LRP8: variants seen among roughly 807,000 people sequenced by gnomAD.
The protein encoded by LRP8 is LDL receptor related protein 8.
In LRP8, 46 loss-of-function variants were observed where a neutral mutation model predicts 111.6. The ratio of observed to expected loss-of-function variants is 0.41; its 90% CI spans 0.33 to 0.53. The LOEUF (loss-of-function observed/expected upper bound fraction) is 0.53. LRP8 is among the 20% of genes least tolerant of loss of function. The pLI is 0.20. For synonymous variants in LRP8, 464 were observed against 511.2 expected (o/e 0.91, Z 1.24); for missense variants, 959 against 1,297.4 (o/e 0.74, Z 4.01).
rs1036705924 is a variant in LRP8 at position 53,266,945 on chromosome 1, G to C, written c.1253-298C>G. The C allele has an allele frequency of 3.2e-6, 1 of 316,762 alleles. No homozygotes were observed. Among genetic ancestry groups the C allele is most frequent in the Non-Finnish European group, 6.0e-6 (1 of 165,584 alleles). The allele number at this position is 316,762 out of a possible 1,614,324, so 19.6% of individuals were successfully genotyped here. ...CTGCACTGAAAGCCTTCCACAGTGTGACCCCAAGTTCCCTGTCCAGCCTCA... is the reference window on the plus strand; with the variant it reads ...CTGCACTGAAAGCCTTCCACAGTGTCACCCCAAGTTCCCTGTCCAGCCTCA... On this transcript the variant is annotated intron_variant, in intron 8 of 18. Coordinates refer to ENST00000306052, the MANE Select transcript of LRP8 (RefSeq NM_004631.5). The surrounding 1 kb of genome is among the most constrained non-coding windows in gnomAD (Gnocchi z 5.0).
chr1:53,265,322 T>A (rs191180526), intron 9 of LRP8, among the ~76,000 whole-genome samples: 1 of 152,304 alleles, frequency 6.6e-6, no homozygotes, highest in Admixed American at 6.5e-5. Flanking sequence ...ACTGCAAAGC[T>A]AACTAGCTCC....
intron 9 of LRP8, among the ~76,000 whole-genome samples, chr1:53,265,018 A>G (rs1305890132): frequency 4.6e-5 from 7 of 152,170 alleles, no homozygotes; most frequent in Admixed American, 4.6e-4. Context: ...TCACTGTGGC[A>G]TCTATGGAGT....
At chr1:53,278,524 G>A (rs1438194682) in intron 4 of LRP8, among the ~76,000 whole-genome samples, 2 of 152,248 alleles carry the variant, frequency 1.3e-5, no homozygotes, top group East Asian at 1.9e-4. Flanking sequence ...TAGGTAGCTC[G>A]TGTCATGCGT....
chr1:53,270,927 T>G lies in LRP8; in HGVS notation c.1252+101A>C, dbSNP rs1572497076. The G allele has an allele frequency of 4.2e-5, 65 of 1,551,314 alleles. 1 individual carries two copies. In the East Asian group the frequency reaches 1.5e-3, roughly 35 times the overall value. ...CCTCTCAGTAACACAACCTGCCTTC[T>G]TGTGTGTGCGCACATGTACACGCCC... On this transcript the variant is annotated intron_variant, in intron 8 of 18. Transcript: ENST00000306052.
At chr1:53,287,328 C>T (rs374809717) in intron 3 of LRP8, among the ~76,000 whole-genome samples, 7 of 152,314 alleles carry the variant, frequency 4.6e-5, no homozygotes, top group Admixed American at 1.3e-4. Context: ...TTGCCTACAC[C>T]GACCAATGTA....
chr1:53,295,460 G>T (rs978987260), intron 2 of LRP8, among the ~76,000 whole-genome samples: 6 of 152,120 alleles, frequency 3.9e-5, no homozygotes, highest in Non-Finnish European at 7.4e-5. Flanking sequence ...CTTTCCTTGA[G>T]CTTGCCCAGG....
rs986905921 is a variant in LRP8, at chr1:53,279,415, T to A, written c.496+1172A>T. Among the ~76,000 whole-genome samples the A allele has an allele frequency of 1.3e-5, 2 of 152,192 alleles. No homozygotes were observed. The highest frequency in any genetic ancestry group is 2.9e-5 in the Non-Finnish European group (2 of 68,026). The stretch of plus-strand genomic sequence containing the variant: ...TCATATTGGAGGAATCATCTGATTA[T>A]GGGGCTTGGTAAAGAGGAAAGAGGA... On this transcript the variant is annotated intron_variant, in intron 4 of 18. Transcript: ENST00000306052. This position sits in a 1 kb window ranked among gnomAD's most constrained non-coding sequence, Gnocchi z 4.4.
intron 2 of LRP8, among the ~76,000 whole-genome samples, chr1:53,326,111 C>G (rs1448894491): frequency 1.3e-5 from 2 of 152,266 alleles, no homozygotes; most frequent in Non-Finnish European, 2.9e-5. Flanking sequence ...TCCTGGTACC[C>G]TCCTTCCTGG....
In LRP8 at chr1:53,303,671, T is replaced by G. The variant is rs1651404807; in HGVS notation, c.245-13982A>C. Among the ~76,000 whole-genome samples, 1 of 152,180 alleles carries G rather than the reference T, an allele frequency of 6.6e-6. No homozygotes were observed. Among genetic ancestry groups the G allele is most frequent in the African/African-American group, 2.4e-5 (1 of 41,436 alleles). The stretch of plus-strand genomic sequence containing the variant: ...CTTTCCAGTTTTAAATCACAAATCT[T>G]AGACTCACAAACAGAACAAAACCCT... On this transcript the variant is annotated intron_variant, in intron 2 of 18. Transcript: ENST00000306052. The surrounding 1 kb of genome is among the most constrained non-coding windows in gnomAD (Gnocchi z 4.3).
At position 53,327,906 on chromosome 1, in the gene LRP8, G is replaced by C; in HGVS notation, c.7C>G (p.Leu3Val). Residue 3 changes from leucine to valine, a missense_variant, in exon 1 of 19, where the codon CTC becomes GTC. This residue lies in a region of LRP8 where 97 missense variants were observed against 107.5 expected (regional missense o/e 0.90). Coordinates refer to ENST00000306052, the MANE Select transcript of LRP8 (RefSeq NM_004631.5). ...AGCCGGAGAGGGCCCGGCTCGGGGA[G>C]GCCCATGGCGGGCCCGGGGCTCCGG... MGLPEPGPLRLLA... is the reference protein window; with the variant it reads MGVPEPGPLRLLA... The C allele has an allele frequency of 7.5e-7, 1 of 1,333,156 alleles. No individual in the cohort carries two copies. The highest frequency in any genetic ancestry group is 1.9e-5 in the South Asian group (1 of 52,296). The allele number at this position is 1,333,156 out of a possible 1,614,324, so 82.6% of individuals were successfully genotyped here. A position where few individuals can be genotyped will look rare whatever the true frequency, so the allele number is the denominator to read the frequency against.
intron 3 of LRP8, among the ~76,000 whole-genome samples, chr1:53,287,245 T>C (rs1276391979): frequency 6.6e-6 from 1 of 152,244 alleles, no homozygotes; most frequent in African/African-American, 2.4e-5. Context: ...TATCAGGTCC[T>C]GCTGCCCCAA....
chr1:53,248,149 G>A (rs1572411417), intron 18 of LRP8, among the ~76,000 whole-genome samples: 1 of 152,134 alleles, frequency 6.6e-6, no homozygotes, highest in Non-Finnish European at 1.5e-5. Flanking sequence ...CTAGGTCAAC[G>A]TAACCAACAT....
intron 2 of LRP8, among the ~76,000 whole-genome samples, chr1:53,290,616 C>T (rs942117005): frequency 1.3e-5 from 2 of 152,186 alleles, no homozygotes; most frequent in Admixed American, 1.3e-4. Context: ...GTACCATCCC[C>T]AGCCCGGTTC....
chr1:53,326,990 GC>G lies in LRP8; in HGVS notation c.126del (p.Pro43ArgfsTer31). 1 of 1,612,778 alleles carries G rather than the reference GC, an allele frequency of 6.2e-7. No individual in the cohort carries two copies. Among genetic ancestry groups the G allele is most frequent in the Non-Finnish European group, 8.5e-7 (1 of 1,179,892 alleles). ...TGGTCCTTTTCGCAATCCTTGGCCG[GC>G]CCTGCGAGGGGGAGGGAGCGTGAGC... ...AAADPLLGGQ[G>X]PAKDCEKDQF... On this transcript the variant is annotated frameshift_variant and splice_region_variant, in exon 2 of 19. Coordinates refer to ENST00000306052, the MANE Select transcript of LRP8 (RefSeq NM_004631.5). LOFTEE classifies it high-confidence loss of function.
Position 53,257,463 on chromosome 1 carries a change from T to G in LRP8, c.2211A>C (p.Ala737=), listed in dbSNP as rs1245537451. The stretch of plus-strand genomic sequence containing the variant: ...ACGTCGTAGTTGAGGTAGATTGAGG[T>G]GCTGGAGGGGAAATACCATGGAGGT... ...LGPDMKRCYR[A]PQSTSTTTLA... is the part of the protein sequence containing the mutation. Residue 737 remains alanine, a splice_region_variant and synonymous_variant, in exon 15 of 19, where the codon GCA becomes GCC. Transcript: ENST00000306052. 6.2e-7 allele frequency: 1 copy of G among 1,613,350 alleles called. No homozygotes were observed. The highest frequency in any genetic ancestry group is 8.5e-7 in the Non-Finnish European group (1 of 1,179,492).
Position 53,242,636 on chromosome 1 carries a change from C to A in LRP8, c.*4382G>T, listed in dbSNP as rs1645662502. 6.6e-6 allele frequency: 1 copy of A among 152,056 alleles called. No homozygotes were observed. Among genetic ancestry groups the A allele is most frequent in the South Asian group, 2.1e-4 (1 of 4,830 alleles). 9.4% of individuals were successfully genotyped at this position (152,056 alleles called of 1,614,324 possible). ...CTGATTCTTACATCAAATATGGTAA[C>A]TTTGGGGTTGGTAGGGGGAGACAAA... On this transcript the variant is annotated 3_prime_UTR_variant, in exon 19 of 19. Coordinates refer to ENST00000306052, the MANE Select transcript of LRP8 (RefSeq NM_004631.5).
Position 53,275,621 on chromosome 1 carries a change from C to CCA in LRP8, c.1006+8_1006+9dup. 1.2e-6 allele frequency: 2 copies of CCA among 1,613,836 alleles called. No homozygotes were observed. Among genetic ancestry groups the CCA allele is most frequent in the Middle Eastern group, 3.3e-4 (2 of 6,058 alleles). On this transcript the variant is annotated intron_variant, in intron 6 of 18. Transcript: ENST00000306052. The surrounding 1 kb of genome is among the most constrained non-coding windows in gnomAD (Gnocchi z 4.4). The stretch of plus-strand genomic sequence containing the variant: ...ACAGAGGATGTGTTCTGTGCCCTGA[C>CCA]CACACGCACCCTGTAGGCAGCCAGC...
At chr1:53,247,392 T>C (rs1645760053) in intron 18 of LRP8, among the ~76,000 whole-genome samples, 1 of 152,204 alleles carries the variant, frequency 6.6e-6, no homozygotes, top group Admixed American at 6.5e-5. Context: ...TCCTCCCTTA[T>C]AGGATTTTAG....
At chr1:53,304,292 A>G (rs1342558031) in intron 2 of LRP8, among the ~76,000 whole-genome samples, 6 of 152,156 alleles carry the variant, frequency 3.9e-5, no homozygotes, top group Non-Finnish European at 7.4e-5. Flanking sequence ...GAATGAGGGA[A>G]AATTCCCCGT....
Sources: gnomAD v4.1 joint callset for allele counts (sites outside exome capture counted in the v4.1 genomes callset) on GRCh38, gnomAD v4.1.1 for gene constraint, gnomAD v4.1.1 regional missense constraint, Gnocchi (gnomAD v3.1) non-coding constraint, MANE v1.5 for transcripts, NCBI Gene and HGNC (gene_info 2026-07-23, HGNC 2026-07-21) for gene names.